The following ITGA11 variants were observed in gnomAD, a reference collection of about 807,000 sequenced individuals.
ITGA11 encodes the protein integrin subunit alpha 11.
ITGA11 carries 97 observed loss-of-function variants against 141.9 expected under a neutral mutation model. That is an observed-to-expected ratio of 0.68 (90% CI 0.58 to 0.81). The LOEUF (loss-of-function observed/expected upper bound fraction) is 0.81, where lower values mean the gene tolerates loss of function less well. ITGA11 is among the 30% of genes least tolerant of loss of function. The pLI is 0.00. For missense variants in ITGA11, 1,387 were observed against 1,559.2 expected, an observed-to-expected ratio of 0.89 and a Z score of 1.86; for synonymous variants, 658 against 624.6, an observed-to-expected ratio of 1.05 and a Z score of -0.80.
At chr15:68,397,605 A>T (rs1380943220) in intron 2 of ITGA11, among the ~76,000 whole-genome samples, 1 of 90,332 alleles carries the variant, frequency 1.1e-5, no homozygotes, top group African/African-American at 4.7e-5. Flanking sequence ...AAATATTTAA[A>T]ATATTATATT....
intron 20 of ITGA11, among the ~76,000 whole-genome samples, chr15:68,319,856 G>C (rs553380164): frequency 1.1e-4 from 16 of 152,312 alleles, no homozygotes; most frequent in Admixed American, 8.5e-4. Context: ...GCCTCCCGAT[G>C]CCAGGCCCAA....
chr15:68,366,580 C>T (rs1350017457), intron 3 of ITGA11, among the ~76,000 whole-genome samples: 1 of 151,988 alleles, frequency 6.6e-6, no homozygotes, highest in Non-Finnish European at 1.5e-5. Context: ...CTCCCTCTCC[C>T]CTGGGACTGA....
At chr15:68,360,456 T>C (rs1426261552) in intron 5 of ITGA11, among the ~76,000 whole-genome samples, 3 of 152,164 alleles carry the variant, frequency 2.0e-5, no homozygotes, top group Non-Finnish European at 2.9e-5. Context: ...GAACACTCCC[T>C]TGGGGAGCTT....
At position 68,417,201 on chromosome 15, in the gene ITGA11, A is replaced by G. The variant is rs79095984; in HGVS notation, c.53-14172T>C. On this transcript the variant is annotated intron_variant, in intron 1 of 29. Coordinates refer to ENST00000315757, the MANE Select transcript of ITGA11 (RefSeq NM_001004439.2). ...ATAGGACATTTCACTTGGATGTCTCATAACATCTCACATTTCACATGCTGG... is the reference window on the plus strand; with the variant it reads ...ATAGGACATTTCACTTGGATGTCTCGTAACATCTCACATTTCACATGCTGG... Among the ~76,000 whole-genome samples, 367 of 152,264 alleles carry G rather than the reference A, an allele frequency of 2.4e-3. 9 individuals carry two copies. In the East Asian group the frequency reaches 0.057, roughly 24 times the overall value.
chr15:68,406,630 A>G (rs1180645732), intron 1 of ITGA11, among the ~76,000 whole-genome samples: 3 of 152,212 alleles, frequency 2.0e-5, no homozygotes, highest in African/African-American at 7.2e-5. Context: ...CACATGGCTG[A>G]TATTTAGAAT....
chr15:68,375,989 C>G (rs1371185543), intron 2 of ITGA11, among the ~76,000 whole-genome samples: 1 of 152,172 alleles, frequency 6.6e-6, no homozygotes, highest in Non-Finnish European at 1.5e-5. Context: ...CTCCCTGGAC[C>G]CTACCCCAGA....
intron 2 of ITGA11, among the ~76,000 whole-genome samples, chr15:68,397,550 TA>T (rs1896336482): frequency 5.3e-5 from 1 of 18,698 alleles, no homozygotes; most frequent in Admixed American, 8.1e-4. Flanking sequence ...ATATTATATT[TA>T]AAATATTATA....
At chr15:68,341,400 G>A (rs1894564889) in intron 10 of ITGA11, among the ~76,000 whole-genome samples, 1 of 152,194 alleles carries the variant, frequency 6.6e-6, no homozygotes, top group Non-Finnish European at 1.5e-5. Context: ...TGGGCCCAGA[G>A]GCCCTGTGAA....
intron 3 of ITGA11, among the ~76,000 whole-genome samples, chr15:68,367,662 G>A (rs1895465742): frequency 6.6e-6 from 1 of 152,054 alleles, no homozygotes; most frequent in South Asian, 2.1e-4. Context: ...TTGGCCTCTT[G>A]TTCCCCACCA....
chr15:68,358,111 C>CA (rs2140342744), intron 6 of ITGA11, among the ~76,000 whole-genome samples: 1 of 152,312 alleles, frequency 6.6e-6, no homozygotes, highest in Admixed American at 6.5e-5. Context: ...ATCTTCCCTC[C>CA]ATGACCTGTA....
At position 68,321,238 on chromosome 15, in the gene ITGA11, C is replaced by G. The variant is rs1162885548; in HGVS notation, c.2408+180G>C. ...GTTTCATATTACAGAAGAGACTTTC[C>G]TGAGGTTATGCAGGAGTTGGTGGCA... On this transcript the variant is annotated intron_variant, in intron 19 of 29. Coordinates refer to ENST00000315757, the MANE Select transcript of ITGA11 (RefSeq NM_001004439.2). The surrounding 1 kb of genome is among the most constrained non-coding windows in gnomAD (Gnocchi z 4.9). Among the ~76,000 whole-genome samples the G allele has an allele frequency of 1.3e-5, 2 of 151,132 alleles. No individual in the cohort carries two copies. Among genetic ancestry groups the G allele is most frequent in the Non-Finnish European group, 2.9e-5 (2 of 67,920 alleles).
chr15:68,384,988 C>A (rs1895948523), intron 2 of ITGA11, among the ~76,000 whole-genome samples: 3 of 152,248 alleles, frequency 2.0e-5, no homozygotes, highest in Admixed American at 2.0e-4. Context: ...TGTCCCTGGA[C>A]ACCATACCCT....
chr15:68,407,243 A>G (rs1303172087), intron 1 of ITGA11, among the ~76,000 whole-genome samples: 2 of 152,170 alleles, frequency 1.3e-5, no homozygotes, highest in Non-Finnish European at 2.9e-5. Context: ...GGAAGGTGGG[A>G]CTAGTCCTAG....
intron 3 of ITGA11, among the ~76,000 whole-genome samples, chr15:68,366,403 C>T (rs1895424999): frequency 6.6e-6 from 1 of 152,098 alleles, no homozygotes; most frequent in South Asian, 2.1e-4. Flanking sequence ...GACGTTTCAT[C>T]CCGAGTTCTG....
intron 2 of ITGA11, among the ~76,000 whole-genome samples, chr15:68,395,725 G>C (rs952737376): frequency 2.6e-5 from 3 of 116,166 alleles, no homozygotes; most frequent in Non-Finnish European, 5.1e-5. Context: ...GGGCCTGTTG[G>C]GGGGTGGGGG....
At chr15:68,317,732 C>T (rs1360414916) in intron 20 of ITGA11, among the ~76,000 whole-genome samples, 1 of 152,198 alleles carries the variant, frequency 6.6e-6, no homozygotes, top group East Asian at 1.9e-4. Flanking sequence ...AGCGCCTATC[C>T]CATGCCCTGC....
rs563316769 is a variant in ITGA11, at chr15:68,363,896, G to A, written c.357+811C>T. ...CACAGAACAGAGACCTGTAAGCAGA[G>A]CCTGCTGCTGTCTGTCCCCCAAAGT... On this transcript the variant is annotated intron_variant, in intron 4 of 29. Transcript: ENST00000315757. Among the ~76,000 whole-genome samples the A allele has an allele frequency of 2.6e-5, 4 of 152,296 alleles. No homozygotes were observed. The South Asian group carries it at 8.3e-4, about 32-fold the overall frequency.
At chr15:68,362,421 T>G (rs746319999) in intron 4 of ITGA11, among the ~76,000 whole-genome samples, 1 of 152,254 alleles carries the variant, frequency 6.6e-6, no homozygotes, top group Non-Finnish European at 1.5e-5. Flanking sequence ...TTTAATTACT[T>G]TCTTTTTAAG....
chr15:68,297,387 G>A lies in ITGA11; in HGVS notation c.*5672C>T, dbSNP rs1222490996. The stretch of plus-strand genomic sequence containing the variant: ...TTAAGAGATTATTTCGTTTAGCATT[G>A]AATTAATAGATTTAGGGACATCTGT... On this transcript the variant is annotated 3_prime_UTR_variant, in exon 30 of 30. Transcript: ENST00000315757. The A allele has an allele frequency of 6.3e-5, 9 of 142,544 alleles. No homozygotes were observed. The highest frequency in any genetic ancestry group is 6.1e-5 in the Non-Finnish European group (4 of 66,058). The allele number at this position is 142,544 out of a possible 1,614,324, so 8.8% of individuals were successfully genotyped here.
Sources: gnomAD v4.1 joint callset for allele counts (sites outside exome capture counted in the v4.1 genomes callset) on GRCh38, gnomAD v4.1.1 for gene constraint, Gnocchi (gnomAD v3.1) non-coding constraint, MANE v1.5 for transcripts, NCBI Gene and HGNC (gene_info 2026-07-23, HGNC 2026-07-21) for gene names.